MACROD2: variants seen among roughly 807,000 people sequenced by gnomAD.
The protein encoded by MACROD2 is mono-ADP ribosylhydrolase 2, also known as ADP-ribose glycohydrolase MACROD2.
MACROD2 carries 36 observed loss-of-function variants against 70.4 expected under a neutral mutation model. The observed-to-expected ratio is 0.51, with a 90% confidence interval of 0.39 to 0.68. MACROD2 has a LOEUF of 0.68. Among genes scored for constraint, MACROD2 ranks in the 30% least tolerant of loss-of-function variants. The pLI, the probability that MACROD2 is intolerant of heterozygous loss-of-function variation, is 0.00. For missense variants in MACROD2, 496 were observed against 538.4 expected (o/e 0.92, Z 0.78); for synonymous variants, 172 against 178.8 (o/e 0.96, Z 0.30).
At chr20:15,869,230 T>TAGAGAGAGAGAGAGAG (rs1287573400) in intron 9 of MACROD2, among the ~76,000 whole-genome samples, 1 of 37,688 alleles carries the variant, frequency 2.7e-5, no homozygotes, top group Non-Finnish European at 6.7e-5. Context: ...TATATATATA[T>TAGAGAGAGAGAGAGAG]ATATATATAG....
intron 8 of MACROD2, among the ~76,000 whole-genome samples, chr20:15,803,997 G>A (rs1056140028): frequency 4.6e-5 from 7 of 152,336 alleles, no homozygotes; most frequent in Non-Finnish European, 1.0e-4. Flanking sequence ...GACTCCCAAA[G>A]AAATGTGTAA....
intron 8 of MACROD2, 117 bp downstream of exon 8, chr20:15,499,964 C>A: frequency 4.6e-6 from 4 of 869,206 alleles, no homozygotes; most frequent in Non-Finnish European, 5.4e-6. Context: ...TTGAGCCAAA[C>A]CTAGCTGACC....
intron 5 of MACROD2, among the ~76,000 whole-genome samples, chr20:14,713,967 GCCTTAACAA>G: frequency 6.6e-6 from 1 of 152,268 alleles, no homozygotes; most frequent in East Asian, 1.9e-4. Context: ...ATGAATTCAG[GCCTTAACAA>G]AAGTGTAAAG....
chr20:14,307,332 G>C (rs1289209316), intron 3 of MACROD2, among the ~76,000 whole-genome samples: 6 of 152,148 alleles, frequency 3.9e-5, no homozygotes, highest in African/African-American at 1.2e-4. Context: ...GGATAGGTGA[G>C]AGACAGTCAC....
At chr20:15,310,084 T>C (rs1417456132) in intron 6 of MACROD2, among the ~76,000 whole-genome samples, 1 of 152,248 alleles carries the variant, frequency 6.6e-6, no homozygotes, top group Non-Finnish European at 1.5e-5. Flanking sequence ...TTAGTCTTTC[T>C]AACCCTGTAT....
intron 16 of MACROD2, 84 bp downstream of exon 16, chr20:16,041,362 T>A: frequency 9.0e-7 from 1 of 1,110,022 alleles, no homozygotes; most frequent in Admixed American, 2.6e-5. Flanking sequence ...GGGAACTATC[T>A]GTTCTATAAA....
intron 5 of MACROD2, among the ~76,000 whole-genome samples, chr20:15,118,597 A>G (rs1228625685): frequency 3.3e-5 from 5 of 152,168 alleles, no homozygotes; most frequent in Non-Finnish European, 7.4e-5. Context: ...TCCTTAAAGC[A>G]TTTGTCCTCA....
At chr20:15,612,481 A>G (rs1243223902) in intron 8 of MACROD2, among the ~76,000 whole-genome samples, 2 of 152,224 alleles carry the variant, frequency 1.3e-5, no homozygotes, top group African/African-American at 4.8e-5. Context: ...GGCTGAGACT[A>G]GGCTAGAAAT....
At chr20:15,777,687 C>G (rs2051755924) in intron 8 of MACROD2, among the ~76,000 whole-genome samples, 1 of 148,910 alleles carries the variant, frequency 6.7e-6, no homozygotes, top group Non-Finnish European at 1.5e-5. Context: ...CTCTGTTGCC[C>G]AGACTGGAGT....
At chr20:15,139,412 T>C (rs1283364733) in intron 5 of MACROD2, among the ~76,000 whole-genome samples, 1 of 152,150 alleles carries the variant, frequency 6.6e-6, no homozygotes, top group Non-Finnish European at 1.5e-5. Context: ...GAATGTGCAT[T>C]AAATCTGAAA....
intron 3 of MACROD2, among the ~76,000 whole-genome samples, chr20:14,263,906 C>T (rs571329842): frequency 9.4e-5 from 14 of 149,480 alleles, no homozygotes; most frequent in South Asian, 2.1e-4. Context: ...CAGGAGGTCA[C>T]GGCTGCAGTA....
rs866381621 is a variant in MACROD2 at position 15,583,190 on chromosome 20, G to A, written c.645+83343G>A. ...TTCAAGGCCTGCTCTACCTTCAATG[G>A]CCTGTGCACCTTGCCTACCTCTGGA... On this transcript the variant is annotated intron_variant, in intron 8 of 17. Transcript: ENST00000684519. 3.3e-5 allele frequency among the ~76,000 whole-genome samples: 5 copies of A among 152,228 alleles called. No homozygotes were observed. In the South Asian group the frequency reaches 8.3e-4, roughly 25 times the overall value.
chr20:14,217,635 T>G (rs2081634521), intron 3 of MACROD2, among the ~76,000 whole-genome samples: 1 of 152,168 alleles, frequency 6.6e-6, no homozygotes. Flanking sequence ...ATCCGTCTGG[T>G]CCTGAACTTT....
chr20:15,488,336 G>A (rs951123665), intron 7 of MACROD2, among the ~76,000 whole-genome samples: 4 of 152,114 alleles, frequency 2.6e-5, no homozygotes, highest in Non-Finnish European at 4.4e-5. Context: ...GATCAGGCAG[G>A]TATTTCTCAT....
At chr20:14,311,674 T>A (rs1187080463) in intron 3 of MACROD2, among the ~76,000 whole-genome samples, 1 of 152,014 alleles carries the variant, frequency 6.6e-6, no homozygotes, top group East Asian at 1.9e-4. Flanking sequence ...CCCGCCACCA[T>A]GCCTGCCTAA....
intron 5 of MACROD2, among the ~76,000 whole-genome samples, chr20:15,197,911 G>A (rs921607298): frequency 2.0e-5 from 3 of 147,616 alleles, no homozygotes; most frequent in Non-Finnish European, 4.4e-5. Context: ...TGCCCAGCCT[G>A]GTCTTGAACT....
At chr20:15,217,408 G>T (rs963612770) in intron 5 of MACROD2, among the ~76,000 whole-genome samples, 1 of 152,128 alleles carries the variant, frequency 6.6e-6, no homozygotes, top group African/African-American at 2.4e-5. Context: ...TTTTTAGAGA[G>T]GAAGAAAAGT....
intron 3 of MACROD2, among the ~76,000 whole-genome samples, chr20:14,328,722 G>A (rs965589661): frequency 9.2e-5 from 14 of 152,100 alleles, no homozygotes; most frequent in African/African-American, 2.6e-4. Context: ...ATCCTATGGC[G>A]TACACACCTC....
intron 8 of MACROD2, among the ~76,000 whole-genome samples, chr20:15,671,797 T>A (rs915264332): frequency 3.3e-5 from 5 of 152,212 alleles, no homozygotes; most frequent in Admixed American, 3.3e-4. Context: ...TGAGGTTGAG[T>A]CTGTGAGCTG....
Sources: gnomAD v4.1 joint callset for allele counts (sites outside exome capture counted in the v4.1 genomes callset) on GRCh38, gnomAD v4.1.1 for gene constraint, MANE v1.5 for transcripts, NCBI Gene and HGNC (gene_info 2026-07-23, HGNC 2026-07-21) for gene names.